Variants in PCBD2 observed in about 807,000 individuals in gnomAD.
PCBD2 encodes the protein pterin-4-alpha-carbinolamine dehydratase 2.
A neutral mutation model predicts 16.4 loss-of-function variants in PCBD2; 12 were observed. The observed-to-expected ratio is 0.73, with a 90% CI of 0.47 to 1.19. The LOEUF is 1.19. Among genes scored for constraint, PCBD2 ranks in the 50% most tolerant of loss-of-function variants. The pLI is 0.00. For missense variants in PCBD2, 138 were observed against 156.8 expected, an observed-to-expected ratio of 0.88 and a Z score of 0.64; for synonymous variants, 58 against 61.8, an observed-to-expected ratio of 0.94 and a Z score of 0.29.
At chr5:134,922,885 C>T (rs1257639195) in intron 2 of PCBD2, among the ~76,000 whole-genome samples, 1 of 151,996 alleles carries the variant, frequency 6.6e-6, no homozygotes, top group Non-Finnish European at 1.5e-5. Context: ...ACCGTGTTAG[C>T]CAGGATGGTC....
At chr5:134,927,852 G>T in intron 2 of PCBD2, 1 of 279,276 alleles carries the variant, frequency 3.6e-6, no homozygotes, top group Non-Finnish European at 6.6e-6. Flanking sequence ...GAGGGGGGTC[G>T]TTAGGGGGTC....
At chr5:134,911,037 C>A (rs1488798519) in intron 2 of PCBD2, among the ~76,000 whole-genome samples, 1 of 152,220 alleles carries the variant, frequency 6.6e-6, no homozygotes, top group African/African-American at 2.4e-5. Context: ...ATCCTCCTGC[C>A]TTGGCCTCCC....
At chr5:134,934,037 A>G (rs1751129093) in intron 2 of PCBD2, among the ~76,000 whole-genome samples, 1 of 152,212 alleles carries the variant, frequency 6.6e-6, no homozygotes. Context: ...AGGAAATTAA[A>G]TCTTTGTAAA....
chr5:134,927,373 C>T (rs1184076400), intron 2 of PCBD2: 2 of 398,270 alleles, frequency 5.0e-6, no homozygotes, highest in Non-Finnish European at 8.8e-6. Context: ...ATGGGGGCTT[C>T]GACATGGGCT....
chr5:134,923,801 G>A (rs1325994758), intron 2 of PCBD2: 3 of 393,698 alleles, frequency 7.6e-6, no homozygotes, highest in African/African-American at 2.1e-5. Flanking sequence ...CGCCATTGGC[G>A]TGAAGGTAGC....
At chr5:134,914,379 T>C (rs73282892) in intron 2 of PCBD2, among the ~76,000 whole-genome samples, 2,229 of 152,216 alleles carry the variant, frequency 0.015, 58 homozygotes, top group African/African-American at 0.051. Context: ...GAAACGTGGC[T>C]GGTTGCTAAG....
intron 3 of PCBD2, among the ~76,000 whole-genome samples, chr5:134,959,978 C>G (rs1225286999): frequency 6.6e-6 from 1 of 150,398 alleles, no homozygotes; most frequent in Non-Finnish European, 1.5e-5. Flanking sequence ...GCAGCCTCCA[C>G]CTCCCGGGTT....
chr5:134,927,281 G>A, intron 2 of PCBD2: 4 of 398,456 alleles, frequency 1.0e-5, no homozygotes, highest in Non-Finnish European at 1.8e-5. Context: ...GTTTTGTCAG[G>A]GGGTTGAGAA....
chr5:134,947,784 T>A (rs1351232366), intron 2 of PCBD2, among the ~76,000 whole-genome samples: 2 of 152,074 alleles, frequency 1.3e-5, no homozygotes, highest in Admixed American at 6.5e-5. Context: ...CGTTTTTTTT[T>A]TATATAAAGT....
chr5:134,940,852 G>A (rs150883889), intron 2 of PCBD2, among the ~76,000 whole-genome samples: 11 of 152,010 alleles, frequency 7.2e-5, no homozygotes, highest in Non-Finnish European at 8.8e-5. Context: ...GTTCCTGGCC[G>A]GGCATGGTGG....
At chr5:134,923,625 C>A in intron 2 of PCBD2, 1 of 365,796 alleles carries the variant, frequency 2.7e-6, no homozygotes, top group South Asian at 1.4e-4. Flanking sequence ...TACTGTGGCC[C>A]CTCAGAAGGA....
intron 2 of PCBD2, among the ~76,000 whole-genome samples, chr5:134,920,464 A>G (rs1750889280): frequency 6.6e-6 from 1 of 152,242 alleles, no homozygotes. Flanking sequence ...GGGTTTTACC[A>G]TACTTCCCAG....
At position 134,962,327 on chromosome 5, in the gene PCBD2, C is replaced by T. The variant is rs1034721182; in HGVS notation, c.*1646C>T. ...ATGGCTGGTCTAGAACTTCTGGGCT[C>T]GAGTAATCCTCCTGCCTTGGCCTCT... On this transcript the variant is annotated 3_prime_UTR_variant, in exon 4 of 4. Coordinates refer to ENST00000254908, the MANE Select transcript of PCBD2 (RefSeq NM_032151.5). 5.9e-5 allele frequency among the ~76,000 whole-genome samples: 9 copies of T among 152,054 alleles called. No homozygotes were observed. Among genetic ancestry groups the T allele is most frequent in the Non-Finnish European group, 7.4e-5 (5 of 68,014 alleles).
intron 2 of PCBD2, among the ~76,000 whole-genome samples, chr5:134,911,714 GCTGCATGC>G (rs917560058): frequency 6.6e-6 from 1 of 152,184 alleles, no homozygotes; most frequent in Non-Finnish European, 1.5e-5. Flanking sequence ...GCTCCACTGA[GCTGCATGC>G]CCGATTCTGT....
chr5:134,906,194 A>ATTTTTTTTTTTTTTTTTTTTT lies in PCBD2; in HGVS notation c.84+978_84+998dup, dbSNP rs1158334317. ...TGGCCTGAAATTCTTTAATAGAAGA[A>ATTTTTTTTTTTTTTTTTTTTT]TTTTTTTTTTTTTTTTTTTTTTTTT... On this transcript the variant is annotated intron_variant, in intron 1 of 3. Coordinates refer to ENST00000254908, the MANE Select transcript of PCBD2 (RefSeq NM_032151.5). Among the ~76,000 whole-genome samples the ATTTTTTTTTTTTTTTTTTTTT allele has an allele frequency of 1.7e-4, 11 of 66,522 alleles. 2 individuals are homozygous for ATTTTTTTTTTTTTTTTTTTTT. The highest frequency in any genetic ancestry group is 4.8e-4 in the African/African-American group (7 of 14,662). The allele number at this position is 66,522 out of a possible 152,430, so 43.6% of individuals were successfully genotyped here. A position where few individuals can be genotyped will look rare whatever the true frequency, so the allele number is the denominator to read the frequency against.
chr5:134,923,933 G>T, intron 2 of PCBD2: 1 of 394,424 alleles, frequency 2.5e-6, no homozygotes, highest in South Asian at 1.3e-4. Context: ...GGATTAGGCA[G>T]GCACCAAGAA....
At chr5:134,925,664 G>T in intron 2 of PCBD2, 1 of 397,404 alleles carries the variant, frequency 2.5e-6, no homozygotes, top group South Asian at 1.3e-4. Context: ...TTCTCTGCTA[G>T]GGGGTGGAAG....
At position 134,960,941 on chromosome 5, in the gene PCBD2, A is replaced by G. The variant is rs6880721; in HGVS notation, c.*260A>G. On this transcript the variant is annotated 3_prime_UTR_variant, in exon 4 of 4. Coordinates refer to ENST00000254908, the MANE Select transcript of PCBD2 (RefSeq NM_032151.5). Reference sequence around the variant, plus strand: ...GTCACCACGCCTGGCTAATTTTTGTATTTTTAGTATAGACAGGGTTTTACC... The same window carrying G: ...GTCACCACGCCTGGCTAATTTTTGTGTTTTTAGTATAGACAGGGTTTTACC... 8,103 of 302,648 alleles carry G rather than the reference A, an allele frequency of 0.027. 276 individuals carry two copies. Among genetic ancestry groups the G allele is most frequent in the African/African-American group, 0.1 (4,485 of 44,666 alleles). The allele number at this position is 302,648 out of a possible 1,614,324, so 18.7% of individuals were successfully genotyped here.
At chr5:134,960,414 C>T (rs989625277) in intron 3 of PCBD2, among the ~76,000 whole-genome samples, 172 bp from the exon 4 acceptor site, 4 of 152,028 alleles carry the variant, frequency 2.6e-5, no homozygotes, top group Non-Finnish European at 5.9e-5. Context: ...CCCTGGAGTT[C>T]GCTGGGTTTT....
Sources: allele counts gnomAD v4.1 joint callset (sites outside exome capture counted in the v4.1 genomes callset), GRCh38; gene constraint gnomAD v4.1.1; transcripts MANE v1.5; gene names NCBI Gene and HGNC (gene_info 2026-07-23, HGNC 2026-07-21).